The following PDXDC1 variants were observed in gnomAD, a reference collection of about 807,000 sequenced individuals.
PDXDC1 encodes pyridoxal-dependent decarboxylase domain-containing protein 1.
A neutral mutation model predicts 100.1 loss-of-function variants in PDXDC1; 42 were observed. The ratio of observed to expected loss-of-function variants is 0.42; its 90% CI spans 0.33 to 0.54. PDXDC1 has a LOEUF of 0.54. Among genes scored for constraint, PDXDC1 ranks in the 20% least tolerant of loss-of-function variants. The probability of loss-of-function intolerance (pLI) is 0.10; values close to 1 mark genes in which losing one functional copy is unlikely to be tolerated. For synonymous variants in PDXDC1, 260 were observed against 371.7 expected (o/e 0.70, Z 3.46); for missense variants, 636 against 979.2 (o/e 0.65, Z 4.68).
chr16:15,036,846 C>T lies in PDXDC1; in HGVS notation c.*571C>T. On this transcript the variant is annotated 3_prime_UTR_variant, in exon 23 of 23. Transcript: ENST00000396410. ...CGTGGAGACTTAGTAAGGACTGTGT[C>T]TACTTGAGCTGTGGCAAGGCTGCTG... The T allele has an allele frequency of 6.4e-6, 1 of 156,014 alleles. No individual in the cohort carries two copies. The highest frequency in any genetic ancestry group is 1.4e-5 in the Non-Finnish European group (1 of 70,224). 9.7% of individuals were successfully genotyped at this position (156,014 alleles called of 1,614,324 possible). A position where few individuals can be genotyped will look rare whatever the true frequency, so the allele number is the denominator to read the frequency against.
chr16:15,008,602 T>C (rs1210362199), intron 6 of PDXDC1, among the ~76,000 whole-genome samples, 177 bp from the exon 7 acceptor site: 1 of 152,224 alleles, frequency 6.6e-6, no homozygotes, highest in Non-Finnish European at 1.5e-5. Context: ...ACCCTTTTTT[T>C]TTTTTCGGCT....
At chr16:15,130,977 T>C (rs1007586124) in intron 16 of PDXDC1, 6 of 805,090 alleles carry the variant, frequency 7.5e-6, no homozygotes, top group East Asian at 2.7e-5. Flanking sequence ...CAGCAGCCCA[T>C]GAAACAGAAA....
chr16:15,144,226 C>T (rs1009451498), downstream of PDXDC1, among the ~76,000 whole-genome samples: 2 of 152,324 alleles, frequency 1.3e-5, no homozygotes, highest in African/African-American at 4.8e-5. Context: ...AGCAGTGCCA[C>T]CCCCACTGTG....
intron 16 of PDXDC1, chr16:15,137,243 G>C: frequency 2.5e-6 from 2 of 816,140 alleles, no homozygotes; most frequent in South Asian, 1.5e-5. Context: ...CCCCACCAGG[G>C]GGGCCCCTGG....
intron 12 of PDXDC1, among the ~76,000 whole-genome samples, 182 bp downstream of exon 12, chr16:15,019,147 TTG>T (rs1410003499): frequency 6.6e-6 from 1 of 152,286 alleles, no homozygotes; most frequent in East Asian, 1.9e-4. Context: ...AAGTGCTGGG[TTG>T]TCTGTCCCAG....
chr16:14,975,979 C>T (rs780012201), intron 1 of PDXDC1, among the ~76,000 whole-genome samples: 2 of 152,304 alleles, frequency 1.3e-5, no homozygotes, highest in Non-Finnish European at 2.9e-5. Context: ...GAGGGATCCC[C>T]GAGTCAACTC....
downstream of PDXDC1, among the ~76,000 whole-genome samples, chr16:15,139,971 C>A (rs2048439574): frequency 6.6e-6 from 1 of 151,484 alleles, no homozygotes; most frequent in Non-Finnish European, 1.5e-5. Context: ...TGGCGGGAGC[C>A]TGTTAGTGCC....
At chr16:15,034,656 C>T (rs915061347) in intron 21 of PDXDC1, 103 bp downstream of exon 21, 12 of 847,060 alleles carry the variant, frequency 1.4e-5, no homozygotes, top group Admixed American at 5.8e-5. Flanking sequence ...CCCTGGTTCC[C>T]GTTCTTCATC....
At chr16:15,135,567 C>A (rs1327090101) in intron 16 of PDXDC1, 2 of 1,145,150 alleles carry the variant, frequency 1.7e-6, no homozygotes, top group African/African-American at 3.0e-5. Context: ...ACGGGCCAGC[C>A]CTGGTGGCAA....
chr16:15,047,656 G>C, intron 16 of PDXDC1: 1 of 978,124 alleles, frequency 1.0e-6, no homozygotes, highest in East Asian at 2.4e-5. Context: ...TGAATATCCT[G>C]TAGGGGAAAA....
At chr16:15,048,080 C>G (rs2044147836) in intron 16 of PDXDC1, 2 of 1,605,634 alleles carry the variant, frequency 1.2e-6, no homozygotes, top group Non-Finnish European at 1.7e-6. Context: ...AGACTGACCT[C>G]TGAGAAGTCT....
chr16:15,064,319 G>A (rs184136275), intron 16 of PDXDC1, among the ~76,000 whole-genome samples: 5 of 152,200 alleles, frequency 3.3e-5, no homozygotes, highest in Non-Finnish European at 7.4e-5. Context: ...GGAATTACAG[G>A]CGCCACCACC....
At position 15,037,405 on chromosome 16, in the gene PDXDC1, T is replaced by G. The variant is rs538876097; in HGVS notation, c.*1130T>G. 6.6e-6 allele frequency: 1 copy of G among 152,332 alleles called. No homozygotes were observed. Among genetic ancestry groups the G allele is most frequent in the African/African-American group, 2.4e-5 (1 of 41,558 alleles). The allele number at this position is 152,332 out of a possible 1,614,324, so 9.4% of individuals were successfully genotyped here. A position where few individuals can be genotyped will look rare whatever the true frequency, so the allele number is the denominator to read the frequency against. ...GGACTGTAGTATTGGAAGCCTTAGT[T>G]ATAGTATATTAAGCCTATAATTATA... On this transcript the variant is annotated 3_prime_UTR_variant, in exon 23 of 23. Transcript: ENST00000396410.
chr16:15,072,733 T>C (rs1168543524), intron 16 of PDXDC1, among the ~76,000 whole-genome samples: 5 of 151,946 alleles, frequency 3.3e-5, no homozygotes, highest in African/African-American at 9.7e-5. Flanking sequence ...GAGGTGGAGG[T>C]TGCAGCAGTG....
At position 15,111,215 on chromosome 16, in the gene PDXDC1, G is replaced by C. The variant is rs1318812491; in HGVS notation, c.1400-27664G>C. 1.3e-5 allele frequency among the ~76,000 whole-genome samples: 2 copies of C among 149,092 alleles called. 1 individual carries two copies. The highest frequency in any genetic ancestry group is 3.0e-5 in the Non-Finnish European group (2 of 66,812). On this transcript the variant is annotated intron_variant, in intron 16 of 16. Coordinates refer to the PDXDC1 transcript ENST00000535621. ...CTCACTCCCGTAATCCCAGCACTTT[G>C]GGAGGCCGAGGCAGGCGGATCACCT...
chr16:15,056,765 A>G (rs1167312304), intron 16 of PDXDC1, among the ~76,000 whole-genome samples: 2 of 152,166 alleles, frequency 1.3e-5, no homozygotes, highest in Non-Finnish European at 2.9e-5. Flanking sequence ...GCAGAGGGAC[A>G]CTCTGTTTCT....
At chr16:15,039,908 G>A (rs956056062), downstream of PDXDC1, 1 of 932,164 alleles carries the variant, frequency 1.1e-6, no homozygotes, top group African/African-American at 1.7e-5. Flanking sequence ...AAAAACTTAA[G>A]GCCTTGACAT....
At chr16:15,094,860 G>A (rs2046297834) in intron 16 of PDXDC1, 1 of 152,302 alleles carries the variant, frequency 6.6e-6, no homozygotes, top group African/African-American at 2.4e-5. Flanking sequence ...TTCTTTTGAG[G>A]CCGAGTCTTG....
chr16:15,128,201 C>A (rs780569449), intron 16 of PDXDC1: 27 of 1,610,902 alleles, frequency 1.7e-5, no homozygotes, highest in African/African-American at 4.0e-5. Context: ...AGGGGCAGAG[C>A]TTGGCAGGGT....
Sources: allele counts gnomAD v4.1 joint callset (sites outside exome capture counted in the v4.1 genomes callset), GRCh38; gene constraint gnomAD v4.1.1; transcripts MANE v1.5; gene names NCBI Gene and HGNC (gene_info 2026-07-23, HGNC 2026-07-21).